CPD: variants seen among roughly 807,000 people sequenced by gnomAD.
CPD encodes the protein metallocarboxypeptidase D.
A neutral mutation model predicts 138.3 loss-of-function variants in CPD; 69 were observed. That is an observed-to-expected ratio of 0.50 (90% confidence interval 0.41 to 0.61). CPD has a LOEUF of 0.61. Among genes scored for constraint, CPD ranks in the 20% least tolerant of loss-of-function variants. The pLI is 0.00. For missense variants in CPD, 1,432 were observed against 1,733.3 expected (o/e 0.83, Z 3.09); for synonymous variants, 651 against 642.1 (o/e 1.01, Z -0.21).
At chr17:30,426,598 G>A (rs187585523) in intron 6 of CPD, among the ~76,000 whole-genome samples, 1 of 152,284 alleles carries the variant, frequency 6.6e-6, no homozygotes, top group Admixed American at 6.5e-5. Context: ...GCCAATCTTA[G>A]GTTCTACAGT....
chr17:30,464,730 C>T lies in CPD; in HGVS notation c.4059C>T (p.Thr1353=), dbSNP rs200857905. The T allele has an allele frequency of 3.6e-5, 58 of 1,613,800 alleles. No homozygotes were observed. The highest frequency in any genetic ancestry group is 4.4e-5 in the Non-Finnish European group (52 of 1,179,908). ...EYEDEIRMMS[T]GSKKSLLSHE... ...AAGATGAAATTCGCATGATGTCTAC[C>T]GGCTCCAAGAAGTCCCTCCTAAGCC... The change falls in exon 21 of 21, where the codon ACC becomes ACT. Residue 1353 remains threonine (T), a synonymous_variant. Transcript: ENST00000225719.
intron 2 of CPD, among the ~76,000 whole-genome samples, chr17:30,411,917 G>A (rs1306140521): frequency 6.6e-6 from 1 of 152,198 alleles, no homozygotes; most frequent in Non-Finnish European, 1.5e-5. Context: ...AAGGAGCTGC[G>A]ATCCTTTTCA....
At chr17:30,389,446 A>G (rs901172131) in intron 2 of CPD, among the ~76,000 whole-genome samples, 3 of 152,252 alleles carry the variant, frequency 2.0e-5, no homozygotes, top group Non-Finnish European at 4.4e-5. Flanking sequence ...CTTGGGAAAT[A>G]TATTTAATAA....
rs754435639 is a variant in CPD, at chr17:30,445,650, A to G, written c.2544-41A>G. ...TGCCTTCCCAGGGTTTGGGTACTCC[A>G]GCTGCAGGAGTGTGGTTCTGATCTG... On this transcript the variant is annotated intron_variant, in intron 11 of 20. Coordinates refer to ENST00000225719, the MANE Select transcript of CPD (RefSeq NM_001304.5). 1.4e-5 allele frequency: 20 copies of G among 1,410,810 alleles called. No individual in the cohort carries two copies. The African/African-American group carries it at 2.3e-4, about 16-fold the overall frequency. The allele number at this position is 1,410,810 out of a possible 1,614,324, so 87.4% of individuals were successfully genotyped here.
intron 2 of CPD, among the ~76,000 whole-genome samples, chr17:30,395,191 G>C (rs530021980): frequency 6.8e-6 from 1 of 147,818 alleles, no homozygotes; most frequent in Non-Finnish European, 1.5e-5. Context: ...ATGAACAGAT[G>C]GGTGCTTTTT....
In CPD at chr17:30,461,871, T is replaced by A. The variant is rs1227856163; in HGVS notation, c.3631-6T>A. 1 of 1,582,806 alleles carries A rather than the reference T, an allele frequency of 6.3e-7. No homozygotes were observed. Among genetic ancestry groups the A allele is most frequent in the Non-Finnish European group, 8.6e-7 (1 of 1,165,422 alleles). On this transcript the variant is annotated splice_polypyrimidine_tract_variant and splice_region_variant and intron_variant, in intron 18 of 20. Coordinates refer to ENST00000225719, the MANE Select transcript of CPD (RefSeq NM_001304.5). ...ACATAAATTTATATTTTAAACATTT[T>A]TTCAGGTTCACAAGGGAGTTCATGG...
intron 2 of CPD, among the ~76,000 whole-genome samples, chr17:30,420,540 AAC>A (rs1912238363): frequency 1.3e-5 from 2 of 152,208 alleles, no homozygotes; most frequent in Admixed American, 6.5e-5. Context: ...GTGTATAGTA[AAC>A]ACACAAAGCT....
chr17:30,423,603 T>G lies in CPD; in HGVS notation c.1755T>G (p.Phe585Leu). 3 of 1,612,986 alleles carry G rather than the reference T, an allele frequency of 1.9e-6. No homozygotes were observed. The highest frequency in any genetic ancestry group is 2.5e-6 in the Non-Finnish European group (3 of 1,179,522). ...TCATAGAATACCTTTGTAAGAACTT[T>G]GGAACAGACCCTGAAGTCACAGATT... ...LNLIEYLCKN[F>L]GTDPEVTDLV... The change falls in exon 6 of 21, where the codon TTT becomes TTG. Residue 585 changes from phenylalanine to leucine, a missense_variant. Phe to Leu is a conservative substitution (Grantham distance 22). This residue lies in a region of CPD where 297 missense variants were observed against 405.3 expected (regional missense o/e 0.73). Coordinates refer to ENST00000225719, the MANE Select transcript of CPD (RefSeq NM_001304.5).
intron 1 of CPD, among the ~76,000 whole-genome samples, chr17:30,384,074 C>T (rs1191334869): frequency 6.6e-6 from 1 of 152,110 alleles, no homozygotes; most frequent in Non-Finnish European, 1.5e-5. Context: ...GCAGCCTTGC[C>T]TCCATGTCAA....
chr17:30,414,037 G>C (rs1912038231), intron 2 of CPD, among the ~76,000 whole-genome samples: 1 of 152,210 alleles, frequency 6.6e-6, no homozygotes, highest in Admixed American at 6.5e-5. Flanking sequence ...CTGCTGCAGA[G>C]CCAGTGATGG....
rs551426058 is a variant in CPD, at chr17:30,407,647, A to G, written c.995-13194A>G. 1.0e-3 allele frequency among the ~76,000 whole-genome samples: 158 copies of G among 152,104 alleles called. 1 individual carries two copies. The highest frequency in any genetic ancestry group is 5.3e-3 in the Admixed American group (81 of 15,278). Reference sequence around the variant, plus strand: ...AAGTGTCTGTTCCTTTCCTTTGCCCACTTTTTGATGGGGTTGTTTGTTTTT... The same window carrying G: ...AAGTGTCTGTTCCTTTCCTTTGCCCGCTTTTTGATGGGGTTGTTTGTTTTT... On this transcript the variant is annotated intron_variant, in intron 2 of 20. Transcript: ENST00000225719.
At chr17:30,434,353 A>T (rs1912645403) in intron 8 of CPD, among the ~76,000 whole-genome samples, 1 of 152,192 alleles carries the variant, frequency 6.6e-6, no homozygotes, top group Non-Finnish European at 1.5e-5. Flanking sequence ...TCGCCCCACC[A>T]CAAGGCTTTG....
intron 15 of CPD, 146 bp downstream of exon 15, chr17:30,455,616 C>T (rs562207924): frequency 5.0e-6 from 4 of 802,588 alleles, no homozygotes; most frequent in Admixed American, 3.2e-5. Flanking sequence ...ATTGTACATA[C>T]ATCAGCAGTT....
At chr17:30,459,206 TTTATTTA>T (rs1555611099) in intron 17 of CPD, among the ~76,000 whole-genome samples, 20 of 122,966 alleles carry the variant, frequency 1.6e-4, no homozygotes, top group South Asian at 8.0e-4. Context: ...TTTATTTATT[TTTATTTA>T]TTATTTATTA....
At chr17:30,436,129 C>T (rs892035939) in intron 8 of CPD, among the ~76,000 whole-genome samples, 4 of 152,122 alleles carry the variant, frequency 2.6e-5, no homozygotes, top group African/African-American at 9.7e-5. Flanking sequence ...CAATCCATAA[C>T]ATATAACATC....
intron 8 of CPD, among the ~76,000 whole-genome samples, chr17:30,433,080 A>C (rs1912604368): frequency 6.6e-6 from 1 of 151,874 alleles, no homozygotes. Context: ...GTAACTCTGC[A>C]CTCTCCAGTC....
chr17:30,384,958 AGTGATAC>A (rs1911140414), intron 1 of CPD, 24 bp from the exon 2 acceptor site: 1 of 1,592,826 alleles, frequency 6.3e-7, no homozygotes, highest in Non-Finnish European at 8.6e-7. Flanking sequence ...GTCCTTTTTT[AGTGATAC>A]GTGATTTGGT....
chr17:30,405,397 T>C (rs191730708), intron 2 of CPD, among the ~76,000 whole-genome samples: 18 of 152,290 alleles, frequency 1.2e-4, no homozygotes, highest in Non-Finnish European at 2.1e-4. Context: ...AAAGGCAGCT[T>C]CTTGCATGAC....
Position 30,427,551 on chromosome 17 carries a change from G to A in CPD, c.2010G>A (p.Leu670=), listed in dbSNP as rs541966951. The change falls in exon 7 of 21, where the codon CTG becomes CTA. Residue 670 remains leucine (L), a synonymous_variant. Transcript: ENST00000225719. ...ATCCATTTGTACTTTCAGCAAACCT[G>A]CATGGAGGTATGGCAACTTTATATT... ...KSYPFVLSAN[L]HGGSLVVNYP... 6.8e-6 allele frequency: 11 copies of A among 1,613,654 alleles called. No homozygotes were observed. The highest frequency in any genetic ancestry group is 5.3e-5 in the African/African-American group (4 of 75,042).
Sources: gnomAD v4.1 joint callset for allele counts (sites outside exome capture counted in the v4.1 genomes callset) on GRCh38, gnomAD v4.1.1 for gene constraint, gnomAD v4.1.1 regional missense constraint, MANE v1.5 for transcripts, NCBI Gene and HGNC (gene_info 2026-07-23, HGNC 2026-07-21) for gene names.